PRKX: variants seen among roughly 807,000 people sequenced by gnomAD.
PRKX encodes the protein protein kinase cAMP-dependent X-linked catalytic subunit.
Under a neutral mutation model 22.0 loss-of-function variants are expected in PRKX, and 12 were observed. The observed-to-expected ratio is 0.54, with a 90% CI of 0.35 to 0.88. The LOEUF (loss-of-function observed/expected upper bound fraction) is 0.88, where lower values mean the gene tolerates loss of function less well. PRKX is among the 40% of genes least tolerant of loss of function. PRKX has a pLI of 0.01. For synonymous variants in PRKX, 134 were observed against 137.7 expected (o/e 0.97, Z 0.19); for missense variants, 217 against 308.0 (o/e 0.70, Z 2.21).
At chrX:3,707,317 C>G (rs1928705316) in intron 1 of PRKX, among the ~76,000 whole-genome samples, 1 of 111,653 alleles carries the variant, frequency 9.0e-6, no homozygotes, top group Non-Finnish European at 1.9e-5. Context: ...TTGTCCCTGT[C>G]TCTGCCTGCG....
In PRKX at chrX:3,608,515, A is replaced by G. The variant is rs1389269940; in HGVS notation, c.*454T>C. On this transcript the variant is annotated 3_prime_UTR_variant, in exon 9 of 9. Transcript: ENST00000262848. ...ATTATAGGCTCTGTAAAGTATGAAC[A>G]TTTACATCACTGCACAATTTCTGTG... is the stretch of plus-strand genomic sequence containing the variant. 1 of 109,535 alleles carries G rather than the reference A, an allele frequency of 9.1e-6. No individual in the cohort carries two copies. The highest frequency in any genetic ancestry group is 1.9e-5 in the Non-Finnish European group (1 of 52,651). The allele number at this position is 109,535 out of a possible 1,213,427, so 9.0% of individuals were successfully genotyped here. A position where few individuals can be genotyped will look rare whatever the true frequency, so the allele number is the denominator to read the frequency against.
intron 4 of PRKX, 80 bp downstream of exon 4, chrX:3,641,772 G>C: frequency 2.7e-6 from 1 of 364,714 alleles, no homozygotes; most frequent in Non-Finnish European, 4.7e-6. Context: ...CAAGGTTACA[G>C]AAATGCCGAG....
intron 6 of PRKX, among the ~76,000 whole-genome samples, chrX:3,618,300 T>C (rs1926479175): frequency 9.0e-6 from 1 of 110,657 alleles, no homozygotes; most frequent in East Asian, 2.9e-4. Context: ...CTATAACTAA[T>C]GATGTATTCT....
rs182546029 is a variant in PRKX, at chrX:3,618,967, G to A, written c.873+2292C>T. The stretch of plus-strand genomic sequence containing the variant: ...TGCAACCTGGCTGGATAGGCTCCTC[G>A]GAGACCTGAAGGTATCCGTTGCTGT... On this transcript the variant is annotated intron_variant, in intron 6 of 8. Coordinates refer to ENST00000262848, the MANE Select transcript of PRKX (RefSeq NM_005044.5). Among the ~76,000 whole-genome samples, 56 of 112,059 alleles carry A rather than the reference G, an allele frequency of 5.0e-4. No homozygotes were observed. The East Asian group carries it at 9.8e-3, about 20-fold the overall frequency.
intron 4 of PRKX, among the ~76,000 whole-genome samples, chrX:3,630,831 A>G (rs1405681357): frequency 2.7e-5 from 3 of 111,424 alleles, no homozygotes; most frequent in Admixed American, 1.9e-4. Context: ...ACCAGGTCCC[A>G]CCTCCAACAC....
intron 4 of PRKX, among the ~76,000 whole-genome samples, chrX:3,632,053 T>C (rs1196482563): frequency 2.7e-5 from 3 of 111,277 alleles, no homozygotes; most frequent in Middle Eastern, 4.7e-3. Context: ...TGGAAATCAA[T>C]GGGAGAGGTG....
intron 1 of PRKX, among the ~76,000 whole-genome samples, chrX:3,709,583 G>A (rs1928747882): frequency 9.0e-6 from 1 of 111,257 alleles, no homozygotes; most frequent in Non-Finnish European, 1.9e-5. Flanking sequence ...CCCATGACAA[G>A]CAAGCACTGG....
intron 3 of PRKX, among the ~76,000 whole-genome samples, chrX:3,646,699 CT>C (rs930888711): frequency 1.8e-5 from 2 of 108,822 alleles, no homozygotes; most frequent in African/African-American, 6.7e-5. Context: ...ATTTTGTCAT[CT>C]TTTTTTTTAT....
chrX:3,689,809 C>T lies in PRKX; in HGVS notation c.167-15043G>A, dbSNP rs184231431. 5.7e-4 allele frequency among the ~76,000 whole-genome samples: 63 copies of T among 111,398 alleles called. 1 individual carries two copies. In the East Asian group the frequency reaches 0.014, roughly 25 times the overall value. On this transcript the variant is annotated intron_variant, in intron 1 of 8. Coordinates refer to ENST00000262848, the MANE Select transcript of PRKX (RefSeq NM_005044.5). ...TGGCTAACACGGTGAAACCCTGTCT[C>T]CACTAAAAATACAAAAAATTAGCCG...
At chrX:3,618,108 CA>C (rs1456278584) in intron 6 of PRKX, among the ~76,000 whole-genome samples, 5 of 102,590 alleles carry the variant, frequency 4.9e-5, no homozygotes, top group Non-Finnish European at 9.9e-5. Flanking sequence ...CACAGATAGA[CA>C]AATACAGTCT....
In PRKX at chrX:3,605,985, G is replaced by A. The variant is rs766555046; in HGVS notation, c.*2984C>T. 4.8e-4 allele frequency: 54 copies of A among 112,509 alleles called. No homozygotes were observed. The highest frequency in any genetic ancestry group is 1.7e-3 in the African/African-American group (52 of 31,036). 9.3% of individuals were successfully genotyped at this position (112,509 alleles called of 1,213,427 possible). The stretch of plus-strand genomic sequence containing the variant: ...GAGACAGTGTATACTATTTGGTTGT[G>A]ACTTTATTTCCTTCCTGGCTTTATC... On this transcript the variant is annotated 3_prime_UTR_variant, in exon 9 of 9. Coordinates refer to ENST00000262848, the MANE Select transcript of PRKX (RefSeq NM_005044.5).
intron 5 of PRKX, among the ~76,000 whole-genome samples, chrX:3,624,711 C>G (rs1926626196): frequency 9.0e-6 from 1 of 110,795 alleles, no homozygotes; most frequent in African/African-American, 3.3e-5. Context: ...CCTCGACTTC[C>G]TGGGCTCAAG....
At chrX:3,708,880 G>A (rs1213025172) in intron 1 of PRKX, among the ~76,000 whole-genome samples, 3 of 108,359 alleles carry the variant, frequency 2.8e-5, no homozygotes, top group Non-Finnish European at 3.8e-5. Context: ...GAGCAAGACC[G>A]AGGGGTGTTC....
At chrX:3,635,066 G>T (rs1026442769) in intron 4 of PRKX, among the ~76,000 whole-genome samples, 3 of 111,865 alleles carry the variant, frequency 2.7e-5, no homozygotes, top group African/African-American at 9.8e-5. Context: ...TGCTATTTAT[G>T]TTCTCCTCTG....
chrX:3,653,682 TATATA>T (rs1188570832), intron 3 of PRKX, among the ~76,000 whole-genome samples: 1 of 68,981 alleles, frequency 1.4e-5, no homozygotes, highest in African/African-American at 5.3e-5. Flanking sequence ...ATATATAATA[TATATA>T]ATATACTATG....
chrX:3,668,133 T>C (rs1410690576), intron 2 of PRKX: 1 of 110,851 alleles, frequency 9.0e-6, no homozygotes, highest in Non-Finnish European at 1.9e-5. Flanking sequence ...TCCCTTTTCA[T>C]ACATAGAAAA....
intron 8 of PRKX, chrX:3,610,924 AAAG>A (rs1353467958): frequency 1.8e-5 from 2 of 111,701 alleles, no homozygotes; most frequent in African/African-American, 6.5e-5. Flanking sequence ...AGAGAAACAA[AAAG>A]AAGTAAACAC....
intron 5 of PRKX, among the ~76,000 whole-genome samples, chrX:3,623,961 C>A (rs746338635): frequency 8.9e-6 from 1 of 111,957 alleles, no homozygotes; most frequent in East Asian, 2.8e-4. Flanking sequence ...GACATGTTTA[C>A]CTGGTCAAAT....
chrX:3,684,545 AG>A (rs768990566), intron 1 of PRKX, among the ~76,000 whole-genome samples: 1 of 111,871 alleles, frequency 8.9e-6, no homozygotes, highest in South Asian at 3.7e-4. Flanking sequence ...ATCCTGGGAA[AG>A]GGTTTCAGGG....
Sources: gnomAD v4.1 joint callset for allele counts (sites outside exome capture counted in the v4.1 genomes callset) on GRCh38, gnomAD v4.1.1 for gene constraint, MANE v1.5 for transcripts, NCBI Gene and HGNC (gene_info 2026-07-23, HGNC 2026-07-21) for gene names.